TENM4: variants seen among roughly 807,000 people sequenced by gnomAD.
The protein encoded by TENM4 is teneurin-4.
In TENM4, 82 loss-of-function variants were observed where a neutral mutation model predicts 243.3. The ratio of observed to expected loss-of-function variants is 0.34; its 90% CI spans 0.28 to 0.40. The LOEUF is 0.40. Among genes scored for constraint, TENM4 ranks in the 10% least tolerant of loss-of-function variants. TENM4 has a pLI of 1.00. For synonymous variants in TENM4, 1,412 were observed against 1,456.3 expected, an observed-to-expected ratio of 0.97 and a Z score of 0.69; for missense variants, 3,138 against 3,673.3, an observed-to-expected ratio of 0.85 and a Z score of 3.77.
At chr11:79,354,896 T>C (rs1857471256) in intron 1 of TENM4, among the ~76,000 whole-genome samples, 1 of 152,208 alleles carries the variant, frequency 6.6e-6, no homozygotes, top group Non-Finnish European at 1.5e-5. Context: ...GTGTGCAGTG[T>C]GTTGGTAGGT....
chr11:79,212,837 G>A (rs1011276276), intron 3 of TENM4, among the ~76,000 whole-genome samples: 9 of 152,142 alleles, frequency 5.9e-5, no homozygotes, highest in Admixed American at 1.3e-4. Context: ...TCTCCCAGCC[G>A]TTAAGCAGGA....
intron 6 of TENM4, among the ~76,000 whole-genome samples, chr11:78,960,882 A>G (rs1046964190): frequency 3.3e-5 from 5 of 152,220 alleles, no homozygotes; most frequent in African/African-American, 1.2e-4. Flanking sequence ...TAAATCCCCT[A>G]GAGGCAGGTG....
At chr11:79,193,937 A>G (rs890785610) in intron 3 of TENM4, among the ~76,000 whole-genome samples, 1 of 152,032 alleles carries the variant, frequency 6.6e-6, no homozygotes, top group Non-Finnish European at 1.5e-5. Flanking sequence ...GAGCAGGGGT[A>G]ATATGGTTTG....
At chr11:79,001,526 T>A (rs1159807841) in intron 6 of TENM4, among the ~76,000 whole-genome samples, 2 of 152,094 alleles carry the variant, frequency 1.3e-5, no homozygotes, top group African/African-American at 2.4e-5. Context: ...GAGATGCTTA[T>A]AGAGGTTGTA....
chr11:79,359,260 T>C (rs1565314095), intron 1 of TENM4, among the ~76,000 whole-genome samples: 1 of 152,054 alleles, frequency 6.6e-6, no homozygotes, highest in Non-Finnish European at 1.5e-5. Flanking sequence ...ACTAAGGCAC[T>C]AAAAAAAGAA....
chr11:79,098,221 A>ACC (rs5792836), intron 4 of TENM4, among the ~76,000 whole-genome samples: 1 of 121,130 alleles, frequency 8.3e-6, no homozygotes, highest in South Asian at 2.8e-4. Context: ...TGTCTCCCCC[A>ACC]CCCCCCCCCA....
intron 4 of TENM4, among the ~76,000 whole-genome samples, chr11:79,118,328 A>G (rs548012772): frequency 1.0e-3 from 155 of 152,342 alleles, no homozygotes; most frequent in African/African-American, 3.5e-3. Context: ...ATGACATTTT[A>G]TGTCATTCTC....
Position 78,689,076 on chromosome 11 carries a change from G to A in TENM4, c.5088-850C>T, listed in dbSNP as rs9735653. ...TCCTCATTTAATCCTTGTCTAAAAG[G>A]TATGTATTATCTCTTTTTTGGAGAA... On this transcript the variant is annotated intron_variant, in intron 28 of 33. Transcript: ENST00000278550. Among the ~76,000 whole-genome samples the A allele has an allele frequency of 8.0e-3, 1,211 of 152,192 alleles. 21 individuals are homozygous for A. The highest frequency in any genetic ancestry group is 0.028 in the African/African-American group (1,183 of 41,524).
At chr11:79,094,995 C>CA (rs892491493) in intron 4 of TENM4, among the ~76,000 whole-genome samples, 21 of 152,168 alleles carry the variant, frequency 1.4e-4, no homozygotes, top group African/African-American at 5.1e-4. Flanking sequence ...TTCTCCCCTG[C>CA]AAGGAGGCTT....
At chr11:78,752,739 A>ACGT (rs1287866635) in intron 19 of TENM4, among the ~76,000 whole-genome samples, 6 of 152,010 alleles carry the variant, frequency 3.9e-5, no homozygotes, top group African/African-American at 1.4e-4. Flanking sequence ...AAGGATCCCA[A>ACGT]CTGACAGCTG....
intron 4 of TENM4, among the ~76,000 whole-genome samples, chr11:79,101,582 C>G (rs937053423): frequency 6.6e-6 from 1 of 152,176 alleles, no homozygotes; most frequent in South Asian, 2.1e-4. Flanking sequence ...CTGCACAGTG[C>G]TTTACTTCTC....
chr11:78,657,575 C>G lies in TENM4; in HGVS notation c.*483G>C, dbSNP rs986597996. ...GGAGCCTCAGGTCCTACAGACCCTC[C>G]TCCCAGGCCCCCTTGGAAGGGGTGT... is the stretch of plus-strand genomic sequence containing the variant. On this transcript the variant is annotated 3_prime_UTR_variant, in exon 34 of 34. Transcript: ENST00000278550. The G allele has an allele frequency of 1.1e-5, 3 of 264,246 alleles. No individual in the cohort carries two copies. The highest frequency in any genetic ancestry group is 9.8e-5 in the Admixed American group (2 of 20,340). 16.4% of individuals were successfully genotyped at this position (264,246 alleles called of 1,614,324 possible). A position where few individuals can be genotyped will look rare whatever the true frequency, so the allele number is the denominator to read the frequency against.
chr11:78,826,076 C>CA (rs1857841769), intron 12 of TENM4, among the ~76,000 whole-genome samples: 1 of 115,406 alleles, frequency 8.7e-6, no homozygotes, highest in Non-Finnish European at 1.7e-5. Context: ...AATCCCCCTC[C>CA]TTTTTTTTTT....
chr11:79,167,381 T>C (rs1212077773), intron 3 of TENM4, among the ~76,000 whole-genome samples: 2 of 152,160 alleles, frequency 1.3e-5, no homozygotes, highest in Admixed American at 6.5e-5. Flanking sequence ...CTAACATATA[T>C]TGAGCAACTA....
intron 24 of TENM4, among the ~76,000 whole-genome samples, chr11:78,721,529 G>A (rs1389589501): frequency 6.6e-6 from 1 of 152,228 alleles, no homozygotes; most frequent in Non-Finnish European, 1.5e-5. Flanking sequence ...GCAGAGGTGT[G>A]TAATGATCTC....
chr11:79,174,901 T>C (rs943602461), intron 3 of TENM4, among the ~76,000 whole-genome samples: 6 of 152,218 alleles, frequency 3.9e-5, no homozygotes, highest in African/African-American at 1.4e-4. Context: ...ATCCTGCTCA[T>C]ACTTTTAAAA....
At chr11:78,903,146 C>T in intron 7 of TENM4, 122 bp downstream of exon 7, 1 of 1,348,810 alleles carries the variant, frequency 7.4e-7, no homozygotes, top group Non-Finnish European at 9.6e-7. Context: ...ACCGTGCACC[C>T]AACCCCAGCT....
chr11:79,301,922 C>A (rs1327219710), intron 1 of TENM4, among the ~76,000 whole-genome samples: 2 of 152,192 alleles, frequency 1.3e-5, no homozygotes, highest in Non-Finnish European at 2.9e-5. Context: ...TCCTGTACTG[C>A]CTGCAGAATG....
chr11:78,669,177 T>C lies in TENM4; in HGVS notation c.7168A>G (p.Met2390Val), dbSNP rs1338544510. 1 of 1,613,818 alleles carries C rather than the reference T, an allele frequency of 6.2e-7. No individual in the cohort carries two copies. Among genetic ancestry groups the C allele is most frequent in the African/African-American group, 1.3e-5 (1 of 74,896 alleles). Residue 2390 changes from methionine to valine, a missense_variant, in exon 32 of 34, where the codon ATG becomes GTG. Met to Val is a conservative substitution (Grantham distance 21). This residue lies in a region of TENM4 where 2,467 missense variants were observed against 3,059.1 expected (regional missense o/e 0.81). Coordinates refer to ENST00000278550, the MANE Select transcript of TENM4 (RefSeq NM_001098816.3). This position sits in a 1 kb window ranked among gnomAD's most constrained non-coding sequence, Gnocchi z 6.4. Reference protein sequence around the residue: ...ILYTAYGEIYMDTNPNFQIII... With the variant: ...ILYTAYGEIYVDTNPNFQIII... ...ATCTGAAAGTTGGGGTTGGTATCCA[T>C]GTAGATCTCCCCATAGGCTGTGTAC... is the stretch of plus-strand genomic sequence containing the variant.
Sources: gnomAD v4.1 joint callset for allele counts (sites outside exome capture counted in the v4.1 genomes callset) on GRCh38, gnomAD v4.1.1 for gene constraint, gnomAD v4.1.1 regional missense constraint, Gnocchi (gnomAD v3.1) non-coding constraint, MANE v1.5 for transcripts, NCBI Gene and HGNC (gene_info 2026-07-23, HGNC 2026-07-21) for gene names.